CHCHD3: variants seen among roughly 807,000 people sequenced by gnomAD.
CHCHD3 encodes the protein coiled-coil-helix-coiled-coil-helix domain containing 3, also known as MICOS complex subunit MIC19.
A neutral mutation model predicts 38.2 loss-of-function variants in CHCHD3; 20 were observed. The observed-to-expected ratio is 0.52, with a 90% CI of 0.37 to 0.76. The LOEUF (loss-of-function observed/expected upper bound fraction) is 0.76. CHCHD3 is among the 30% of genes least tolerant of loss of function. CHCHD3 has a pLI of 0.00. For missense variants in CHCHD3, 245 were observed against 279.2 expected, an observed-to-expected ratio of 0.88 and a Z score of 0.87; for synonymous variants, 82 against 100.0, an observed-to-expected ratio of 0.82 and a Z score of 1.07.
intron 4 of CHCHD3, among the ~76,000 whole-genome samples, chr7:132,949,318 A>C (rs761320663): frequency 1.3e-5 from 2 of 152,128 alleles, no homozygotes; most frequent in Non-Finnish European, 2.9e-5. Flanking sequence ...CCCAGGACTC[A>C]TCTTAAAAGA....
At chr7:132,924,872 A>G (rs1810339246) in intron 4 of CHCHD3, among the ~76,000 whole-genome samples, 1 of 152,176 alleles carries the variant, frequency 6.6e-6, no homozygotes, top group African/African-American at 2.4e-5. Flanking sequence ...TGAGTGCCAC[A>G]TGCCTGGAGA....
intron 4 of CHCHD3, among the ~76,000 whole-genome samples, chr7:132,910,892 G>C (rs918780320): frequency 6.6e-6 from 1 of 152,152 alleles, no homozygotes; most frequent in African/African-American, 2.4e-5. Context: ...CCAATCAACG[G>C]GAGCTGGCTG....
At chr7:133,003,360 A>C (rs1812620560) in intron 3 of CHCHD3, among the ~76,000 whole-genome samples, 2 of 152,256 alleles carry the variant, frequency 1.3e-5, no homozygotes, top group Non-Finnish European at 2.9e-5. Context: ...GGCTTCCAAT[A>C]GTAAATTAAC....
chr7:132,935,720 T>C (rs12707062), intron 4 of CHCHD3, among the ~76,000 whole-genome samples: 147,282 of 152,306 alleles, frequency 0.97, 71,424 homozygotes, highest in Middle Eastern at 1. Context: ...TTTTCTAAGC[T>C]TCCTTTCTAT....
At chr7:133,044,948 C>T (rs563936895) in intron 2 of CHCHD3, among the ~76,000 whole-genome samples, 55 of 152,352 alleles carry the variant, frequency 3.6e-4, no homozygotes, top group Admixed American at 6.5e-4. Flanking sequence ...AAGCAACGCA[C>T]ATACTCACTG....
At chr7:133,045,225 A>C (rs567672426) in intron 2 of CHCHD3, among the ~76,000 whole-genome samples, 2 of 152,336 alleles carry the variant, frequency 1.3e-5, no homozygotes, top group East Asian at 3.9e-4. Context: ...TAAGGATGGA[A>C]GCAACTACAA....
rs546062712 is a variant in CHCHD3, at chr7:132,877,373, G to GA, written c.453+8288dup. On this transcript the variant is annotated intron_variant, in intron 5 of 7. Coordinates refer to ENST00000262570, the MANE Select transcript of CHCHD3 (RefSeq NM_017812.4). The stretch of plus-strand genomic sequence containing the variant: ...ATTTTTCCCCAGAGCACAAACTAGG[G>GA]AAAAAAAATATCTTGCTTGCTACTT... Among the ~76,000 whole-genome samples, 782 of 151,736 alleles carry GA rather than the reference G, an allele frequency of 5.2e-3. 3 individuals carry two copies. Among genetic ancestry groups the GA allele is most frequent in the Non-Finnish European group, 8.5e-3 (578 of 67,874 alleles).
chr7:132,938,878 T>G (rs1049176936), intron 4 of CHCHD3, among the ~76,000 whole-genome samples: 1 of 152,052 alleles, frequency 6.6e-6, no homozygotes, highest in African/African-American at 2.4e-5. Flanking sequence ...GGGTGTGAAG[T>G]TGAGTGCATG....
At chr7:132,819,347 A>G (rs1315417120) in intron 6 of CHCHD3, among the ~76,000 whole-genome samples, 2 of 152,350 alleles carry the variant, frequency 1.3e-5, no homozygotes, top group East Asian at 3.9e-4. Flanking sequence ...GAGTTAGCCC[A>G]GGCTTTTAAA....
intron 5 of CHCHD3, among the ~76,000 whole-genome samples, chr7:132,841,147 A>G (rs1807929555): frequency 6.6e-6 from 1 of 152,230 alleles, no homozygotes; most frequent in South Asian, 2.1e-4. Context: ...ATGTGTAGAC[A>G]GTGTTTAATT....
intron 2 of CHCHD3, among the ~76,000 whole-genome samples, chr7:133,068,443 G>A (rs1814733023): frequency 6.6e-6 from 1 of 152,322 alleles, no homozygotes; most frequent in African/African-American, 2.4e-5. Context: ...GATGTTGGAA[G>A]GCAGAGAGGG....
intron 3 of CHCHD3, among the ~76,000 whole-genome samples, chr7:133,007,709 A>G (rs1008791283): frequency 3.3e-5 from 5 of 152,066 alleles, no homozygotes; most frequent in African/African-American, 9.7e-5. Context: ...GCTACAATAT[A>G]CGTGTCCCAA....
At chr7:132,819,420 T>C (rs1307015600) in intron 6 of CHCHD3, among the ~76,000 whole-genome samples, 1 of 152,200 alleles carries the variant, frequency 6.6e-6, no homozygotes, top group East Asian at 1.9e-4. Flanking sequence ...TTTTTGCTTT[T>C]TTTGTTGCCC....
intron 2 of CHCHD3, among the ~76,000 whole-genome samples, chr7:133,069,005 G>A (rs1211441797): frequency 1.3e-5 from 2 of 152,020 alleles, no homozygotes; most frequent in African/African-American, 2.4e-5. Flanking sequence ...TCTAGATAAC[G>A]ATTTCAAAAC....
Position 132,885,661 on chromosome 7 carries a change from C to T in CHCHD3, c.453+1G>A. The stretch of plus-strand genomic sequence containing the variant: ...GAATCAATGATAAAAAATAGTCATA[C>T]CCTCTCCTCCAGTCTAGCCAGCTGT... On this transcript the variant is annotated splice_donor_variant, in intron 5 of 7. Transcript: ENST00000262570. LOFTEE classifies it high-confidence loss of function. The T allele has an allele frequency of 6.3e-7, 1 of 1,597,938 alleles. No individual in the cohort carries two copies. The highest frequency in any genetic ancestry group is 1.9e-4 in the Middle Eastern group (1 of 5,160).
At chr7:132,961,120 G>T (rs1258775888) in intron 4 of CHCHD3, among the ~76,000 whole-genome samples, 1 of 151,934 alleles carries the variant, frequency 6.6e-6, no homozygotes, top group East Asian at 1.9e-4. Context: ...CTCTACAAAA[G>T]ATAAAAAATA....
rs3076183 is a variant in CHCHD3 at position 132,817,891 on chromosome 7, C to CAAA, written c.524+20505_524+20507dup. Among the ~76,000 whole-genome samples, 64 of 136,162 alleles carry CAAA rather than the reference C, an allele frequency of 4.7e-4. 1 individual carries two copies. The highest frequency in any genetic ancestry group is 1.3e-3 in the East Asian group (6 of 4,756). 89.3% of individuals were successfully genotyped at this position (136,162 alleles called of 152,430 possible). A position where few individuals can be genotyped will look rare whatever the true frequency, so the allele number is the denominator to read the frequency against. On this transcript the variant is annotated intron_variant, in intron 6 of 7. Transcript: ENST00000262570. ...TGAGTGACAGAGTGAGACCCTGTCTCAAAAAAAAAATAAAAATAAAAATAA... is the reference window on the plus strand; with the variant it reads ...TGAGTGACAGAGTGAGACCCTGTCTCAAAAAAAAAAAAATAAAAATAAAAATAA...
At chr7:132,996,657 G>A (rs921133561) in intron 3 of CHCHD3, among the ~76,000 whole-genome samples, 1 of 152,170 alleles carries the variant, frequency 6.6e-6, no homozygotes, top group African/African-American at 2.4e-5. Context: ...AAATTGAATC[G>A]TTACAGAATT....
chr7:132,832,630 C>T (rs1489237186), intron 6 of CHCHD3, among the ~76,000 whole-genome samples: 2 of 152,166 alleles, frequency 1.3e-5, no homozygotes, highest in African/African-American at 4.8e-5. Flanking sequence ...CTTTACCATG[C>T]CTATATTGCC....
Sources: allele counts gnomAD v4.1 joint callset (sites outside exome capture counted in the v4.1 genomes callset), GRCh38; gene constraint gnomAD v4.1.1; transcripts MANE v1.5; gene names NCBI Gene and HGNC (gene_info 2026-07-23, HGNC 2026-07-21).